ARSJ: variants seen among roughly 807,000 people sequenced by gnomAD.
ARSJ encodes the protein arylsulfatase J.
Under a neutral mutation model 35.9 loss-of-function variants are expected in ARSJ, and 26 were observed. The observed-to-expected ratio is 0.72, with a 90% CI of 0.53 to 1.00. The LOEUF (loss-of-function observed/expected upper bound fraction) is 1.00. Ranked by LOEUF, ARSJ falls within the 50% of genes least tolerant of loss-of-function variation. ARSJ has a pLI of 0.00. For missense variants in ARSJ, 667 were observed against 723.6 expected (o/e 0.92, Z 0.90); for synonymous variants, 294 against 267.6 (o/e 1.10, Z -0.96).
In ARSJ at chr4:113,903,665, GTA is replaced by G. The variant is rs2099667840; in HGVS notation, c.407_408del (p.Ile136ThrfsTer58). 6.2e-7 allele frequency: 1 copy of G among 1,608,636 alleles called. No homozygotes were observed. Among genetic ancestry groups the G allele is most frequent in the Non-Finnish European group, 8.5e-7 (1 of 1,175,642 alleles). The part of the protein sequence containing the change: ...RSQFITGKYQ[I>X]HTGLQHSIIR... ...ATGATAGAATGTTGAAGTCCGGTGT[GTA>G]TCTGATACCTTAAGAAAAGAGAAAA... On this transcript the variant is annotated frameshift_variant, in exon 2 of 2. Coordinates refer to ENST00000315366, the MANE Select transcript of ARSJ (RefSeq NM_024590.4). LOFTEE classifies it high-confidence loss of function.
rs188137264 is a variant in ARSJ, at chr4:113,930,214, A to G, written c.399-26539T>C. ...AACTTACACTATCACAAGGTCCCAC[A>G]ATAGGCTGTCTGCAAGCTGAGGAGC... is the stretch of plus-strand genomic sequence containing the variant. On this transcript the variant is annotated intron_variant, in intron 1 of 1. Transcript: ENST00000315366. Among the ~76,000 whole-genome samples the G allele has an allele frequency of 5.1e-4, 77 of 152,242 alleles. 1 individual carries two copies. The highest frequency in any genetic ancestry group is 1.5e-3 in the African/African-American group (64 of 41,544).
At chr4:113,954,500 G>A (rs1726048273) in intron 1 of ARSJ, among the ~76,000 whole-genome samples, 1 of 151,988 alleles carries the variant, frequency 6.6e-6, no homozygotes, top group Admixed American at 6.6e-5. Context: ...CAAATACCTG[G>A]AAAGCCCTGT....
chr4:113,970,613 T>A (rs1727181374), intron 1 of ARSJ: 1 of 152,246 alleles, frequency 6.6e-6, no homozygotes, highest in African/African-American at 2.4e-5. Context: ...CTGAGGATGG[T>A]GATGTCATGA....
At chr4:113,951,699 C>T (rs966040229) in intron 1 of ARSJ, among the ~76,000 whole-genome samples, 1 of 152,082 alleles carries the variant, frequency 6.6e-6, no homozygotes, top group South Asian at 2.1e-4. Flanking sequence ...GACGCCTTCT[C>T]TCATTCTTCC....
At chr4:113,905,209 A>C (rs2099668342) in intron 1 of ARSJ, among the ~76,000 whole-genome samples, 1 of 152,224 alleles carries the variant, frequency 6.6e-6, no homozygotes, top group African/African-American at 2.4e-5. Context: ...TTTAAAATAG[A>C]AAATATAAAA....
At chr4:113,974,616 A>G (rs1169722030) in intron 1 of ARSJ, among the ~76,000 whole-genome samples, 1 of 152,186 alleles carries the variant, frequency 6.6e-6, no homozygotes, top group African/African-American at 2.4e-5. Flanking sequence ...TTAAACCATA[A>G]TGATGTAGCA....
intron 1 of ARSJ, among the ~76,000 whole-genome samples, chr4:113,909,139 T>TG (rs1176595813): frequency 2.3e-4 from 34 of 150,844 alleles, no homozygotes; most frequent in Admixed American, 2.1e-3. Flanking sequence ...ACAGAAGGAG[T>TG]GGAAAAAAAA....
chr4:113,948,064 A>G (rs1725611304), intron 1 of ARSJ, among the ~76,000 whole-genome samples: 1 of 151,984 alleles, frequency 6.6e-6, no homozygotes, highest in Non-Finnish European at 1.5e-5. Context: ...TGGTGCACAC[A>G]TGTAGTTCCA....
intron 1 of ARSJ, among the ~76,000 whole-genome samples, chr4:113,911,306 T>A (rs1001511627): frequency 1.3e-5 from 2 of 152,148 alleles, no homozygotes; most frequent in South Asian, 4.1e-4. Flanking sequence ...AGGATAGAGC[T>A]GTACTAAGGT....
At chr4:113,929,372 C>T (rs969833045) in intron 1 of ARSJ, among the ~76,000 whole-genome samples, 7 of 152,086 alleles carry the variant, frequency 4.6e-5, no homozygotes, top group African/African-American at 1.7e-4. Context: ...ACTGTTGCCT[C>T]AGGCAGCACA....
At chr4:113,946,494 G>T (rs1372560210) in intron 1 of ARSJ, 1 of 150,818 alleles carries the variant, frequency 6.6e-6, no homozygotes, top group Non-Finnish European at 1.5e-5. Context: ...CCCTGACTTT[G>T]CACGTTGTCT....
intron 1 of ARSJ, among the ~76,000 whole-genome samples, chr4:113,931,750 AT>A: frequency 6.6e-6 from 1 of 152,238 alleles, no homozygotes; most frequent in East Asian, 1.9e-4. Context: ...GATATAAAAA[AT>A]AATAAAAACC....
At chr4:113,976,363 TAGAG>T (rs1727593937) in intron 1 of ARSJ, among the ~76,000 whole-genome samples, 1 of 152,180 alleles carries the variant, frequency 6.6e-6, no homozygotes, top group South Asian at 2.1e-4. Context: ...CATGTGTTCA[TAGAG>T]AGAACAAATG....
At chr4:113,923,484 T>G (rs1723810831) in intron 1 of ARSJ, among the ~76,000 whole-genome samples, 1 of 152,162 alleles carries the variant, frequency 6.6e-6, no homozygotes, top group South Asian at 2.1e-4. Flanking sequence ...AAACTTTTAT[T>G]TCACACTGAA....
At chr4:113,955,053 C>T (rs1279955042) in intron 1 of ARSJ, among the ~76,000 whole-genome samples, 1 of 149,576 alleles carries the variant, frequency 6.7e-6, no homozygotes, top group African/African-American at 2.5e-5. Context: ...TGTTTCCAAG[C>T]CTATACCAGA....
intron 1 of ARSJ, among the ~76,000 whole-genome samples, chr4:113,942,855 G>C (rs1218283967): frequency 6.6e-6 from 1 of 151,898 alleles, no homozygotes; most frequent in South Asian, 2.1e-4. Flanking sequence ...TTATCCCTTT[G>C]GTGCAGCTAA....
chr4:113,921,044 AAG>A (rs1294037704), intron 1 of ARSJ, among the ~76,000 whole-genome samples: 1 of 151,242 alleles, frequency 6.6e-6, no homozygotes, highest in Non-Finnish European at 1.5e-5. Flanking sequence ...TCATCCAACA[AAG>A]AGAGAGTGCA....
chr4:113,968,014 T>A (rs1330878185), intron 1 of ARSJ, among the ~76,000 whole-genome samples: 1 of 152,228 alleles, frequency 6.6e-6, no homozygotes. Context: ...CAAACATTCA[T>A]TAACTATTTA....
intron 1 of ARSJ, among the ~76,000 whole-genome samples, chr4:113,958,581 A>T (rs1453423444): frequency 6.6e-6 from 1 of 151,916 alleles, no homozygotes; most frequent in African/African-American, 2.4e-5. Context: ...TAGATTGGTT[A>T]TTTTTTTCTC....
Sources: gnomAD v4.1 joint callset for allele counts (sites outside exome capture counted in the v4.1 genomes callset) on GRCh38, gnomAD v4.1.1 for gene constraint, MANE v1.5 for transcripts, NCBI Gene and HGNC (gene_info 2026-07-23, HGNC 2026-07-21) for gene names.